FHIT: variants seen among roughly 807,000 people sequenced by gnomAD.
FHIT encodes the protein fragile histidine triad diadenosine triphosphatase.
A neutral mutation model predicts 17.9 loss-of-function variants in FHIT; 19 were observed. That is an observed-to-expected ratio of 1.06 (90% CI 0.74 to 1.56). The LOEUF (loss-of-function observed/expected upper bound fraction) is 1.56. Among genes scored for constraint, FHIT ranks in the 40% most tolerant of loss-of-function variants. The pLI is 0.00. For synonymous variants in FHIT, 81 were observed against 69.7 expected (o/e 1.16, Z -0.81); for missense variants, 248 against 189.2 (o/e 1.31, Z -1.82).
chr3:60,969,158 C>T (rs1427551232), intron 3 of FHIT, among the ~76,000 whole-genome samples: 3 of 151,908 alleles, frequency 2.0e-5, no homozygotes, highest in African/African-American at 7.3e-5. Flanking sequence ...TTTAAATGGG[C>T]TCTTTTTTGT....
At chr3:60,407,976 A>C (rs79430499) in intron 5 of FHIT, among the ~76,000 whole-genome samples, 1 of 152,178 alleles carries the variant, frequency 6.6e-6, no homozygotes, top group East Asian at 1.9e-4. Flanking sequence ...AGAAAGTCAT[A>C]TTTCAAGTAT....
intron 8 of FHIT, among the ~76,000 whole-genome samples, chr3:59,838,876 T>A (rs1271344148): frequency 6.6e-6 from 1 of 152,156 alleles, no homozygotes; most frequent in Non-Finnish European, 1.5e-5. Flanking sequence ...TGAAGCGGGC[T>A]AGGTTGTCAG....
intron 5 of FHIT, among the ~76,000 whole-genome samples, chr3:60,199,547 G>A (rs1051933445): frequency 1.3e-4 from 20 of 152,198 alleles, no homozygotes; most frequent in Non-Finnish European, 1.9e-4. Context: ...TGGGTGGTGG[G>A]AAAATGAAGA....
intron 5 of FHIT, among the ~76,000 whole-genome samples, chr3:60,286,024 G>A (rs550206391): frequency 6.6e-6 from 1 of 152,274 alleles, no homozygotes; most frequent in African/African-American, 2.4e-5. Context: ...AGGGTAAGTG[G>A]GTGTAGAGGG....
At chr3:60,398,642 A>T (rs1701546561) in intron 5 of FHIT, among the ~76,000 whole-genome samples, 1 of 152,166 alleles carries the variant, frequency 6.6e-6, no homozygotes, top group African/African-American at 2.4e-5. Context: ...CAGAATTGTA[A>T]TGTTTGTCTG....
chr3:60,236,083 T>C (rs1559750847), intron 5 of FHIT, among the ~76,000 whole-genome samples: 4 of 152,014 alleles, frequency 2.6e-5, no homozygotes, highest in African/African-American at 4.8e-5. Context: ...TCTGCCCAAA[T>C]GCATCTTCTC....
At chr3:60,623,661 G>A (rs1553679613) in intron 4 of FHIT, among the ~76,000 whole-genome samples, 2 of 152,174 alleles carry the variant, frequency 1.3e-5, no homozygotes, top group South Asian at 2.1e-4. Flanking sequence ...AAAGCAGAAG[G>A]AACAGCACTA....
chr3:60,400,592 G>A (rs1283558468), intron 5 of FHIT, among the ~76,000 whole-genome samples: 1 of 152,086 alleles, frequency 6.6e-6, no homozygotes, highest in Non-Finnish European at 1.5e-5. Flanking sequence ...GCTGAGCAGA[G>A]GTGCTGGCAT....
intron 7 of FHIT, among the ~76,000 whole-genome samples, chr3:59,934,806 A>ATCATGAGAACTAACTCAGTG (rs1245484960): frequency 1.9e-4 from 29 of 152,156 alleles, no homozygotes; most frequent in African/African-American, 6.5e-4. Context: ...CTAACTCAGT[A>ATCATGAGAACTAACTCAGTG]TCATGAGAAC....
intron 8 of FHIT, among the ~76,000 whole-genome samples, chr3:59,787,537 G>A (rs1315142070): frequency 6.9e-6 from 1 of 145,484 alleles, no homozygotes; most frequent in Non-Finnish European, 1.5e-5. Flanking sequence ...CACGTCAAAG[G>A]CTTCTCCCTC....
At chr3:60,324,520 G>A (rs998834102) in intron 5 of FHIT, among the ~76,000 whole-genome samples, 4 of 148,136 alleles carry the variant, frequency 2.7e-5, no homozygotes, top group Non-Finnish European at 5.9e-5. Flanking sequence ...AGGAGGCGGA[G>A]CTTGCAGTGA....
chr3:60,117,049 A>G (rs991951899), intron 5 of FHIT, among the ~76,000 whole-genome samples: 4 of 152,204 alleles, frequency 2.6e-5, no homozygotes, highest in African/African-American at 7.2e-5. Context: ...CTTAAATTAG[A>G]AAGTCAGCAA....
intron 1 of FHIT, among the ~76,000 whole-genome samples, chr3:61,232,472 C>T (rs975616404): frequency 1.3e-5 from 2 of 152,162 alleles, no homozygotes; most frequent in East Asian, 3.9e-4. Flanking sequence ...GTATGTGAGT[C>T]ATAATTTCCC....
intron 7 of FHIT, among the ~76,000 whole-genome samples, chr3:59,973,140 G>A (rs924077809): frequency 1.3e-5 from 2 of 151,968 alleles, no homozygotes; most frequent in African/African-American, 4.8e-5. Context: ...TTCTCTTTCT[G>A]GTTAAACTCT....
At chr3:60,558,259 C>G (rs577865573) in intron 4 of FHIT, among the ~76,000 whole-genome samples, 6 of 152,180 alleles carry the variant, frequency 3.9e-5, no homozygotes, top group South Asian at 4.2e-4. Flanking sequence ...CTAGTCATCT[C>G]CCTGACCCAT....
At chr3:60,753,624 TATA>T (rs2042512960) in intron 4 of FHIT, among the ~76,000 whole-genome samples, 1 of 152,212 alleles carries the variant, frequency 6.6e-6, no homozygotes, top group Non-Finnish European at 1.5e-5. Context: ...AATAATCTAA[TATA>T]ATCCCAAGTC....
intron 5 of FHIT, among the ~76,000 whole-genome samples, chr3:60,218,660 T>C (rs1236780282): frequency 1.3e-5 from 2 of 152,124 alleles, no homozygotes; most frequent in Non-Finnish European, 2.9e-5. Context: ...GGTGAATATG[T>C]GCTCAATACT....
At chr3:60,742,337 C>A (rs1176560869) in intron 4 of FHIT, among the ~76,000 whole-genome samples, 15 of 152,082 alleles carry the variant, frequency 9.9e-5, no homozygotes, top group African/African-American at 3.4e-4. Flanking sequence ...AGGATGATAG[C>A]CTGGAAAAAT....
chr3:59,763,879 C>T (rs1683347), intron 8 of FHIT, among the ~76,000 whole-genome samples: 121,957 of 152,152 alleles, frequency 0.8, 49,461 homozygotes, highest in East Asian at 0.89. Context: ...GGAAAATCTC[C>T]CTTCCCTTTA....
Sources: allele counts gnomAD v4.1 joint callset (sites outside exome capture counted in the v4.1 genomes callset), GRCh38; gene constraint gnomAD v4.1.1; transcripts MANE v1.5; gene names NCBI Gene and HGNC (gene_info 2026-07-23, HGNC 2026-07-21).